The following ARFGEF1 variants were observed in gnomAD, a reference collection of about 807,000 sequenced individuals.
ARFGEF1 encodes the protein ARF guanine nucleotide exchange factor 1.
Under a neutral mutation model 231.0 loss-of-function variants are expected in ARFGEF1, and 42 were observed. The ratio of observed to expected loss-of-function variants is 0.18; its 90% confidence interval spans 0.14 to 0.24. ARFGEF1 has a LOEUF of 0.24. Among genes scored for constraint, ARFGEF1 ranks in the 10% least tolerant of loss-of-function variants. ARFGEF1 has a pLI of 1.00. For missense variants in ARFGEF1, 1,345 were observed against 2,192.0 expected, an observed-to-expected ratio of 0.61 and a Z score of 7.72; for synonymous variants, 710 against 732.3, an observed-to-expected ratio of 0.97 and a Z score of 0.49.
chr8:67,258,265 T>C lies in ARFGEF1; in HGVS notation c.2261A>G (p.Asp754Gly). 1 of 1,605,626 alleles carries C rather than the reference T, an allele frequency of 6.2e-7. No individual in the cohort carries two copies. The highest frequency in any genetic ancestry group is 8.5e-7 in the Non-Finnish European group (1 of 1,173,208). The change falls in exon 16 of 39, where the codon GAT (aspartate) becomes GGT (glycine). Residue 754 changes from aspartate (D) to glycine (G), a missense_variant. Coordinates refer to ENST00000262215, the MANE Select transcript of ARFGEF1 (RefSeq NM_006421.5). ...DSTQVGEFLG[D>G]NDKFNKEVMY... ...GACTTCTTTGTTAAATTTATCATTA[T>C]CTCCCAGGAACTCACCCACTTGAGT... is the stretch of plus-strand genomic sequence containing the variant.
chr8:67,212,032 T>C (rs1398082583), intron 33 of ARFGEF1, among the ~76,000 whole-genome samples: 3 of 150,928 alleles, frequency 2.0e-5, no homozygotes, highest in Non-Finnish European at 4.4e-5. Flanking sequence ...GAAGAGATGC[T>C]GGACCCTGGA....
In ARFGEF1 at chr8:67,219,537, A is replaced by G. The variant is rs1839075663; in HGVS notation, c.4232T>C (p.Ile1411Thr). The change falls in exon 30 of 39, where the codon ATA becomes ACA. Residue 1411 changes from isoleucine to threonine, a missense_variant. Physicochemically the swap from Ile to Thr is moderately conservative, Grantham distance 89 (BLOSUM62 -1). Around this residue, in one of 14 missense-constraint regions of ARFGEF1, gnomAD observed 142 missense variants for 227.3 expected, o/e 0.62. Transcript: ENST00000262215. The part of the protein sequence containing the change: ...RTRGLTVMFE[I>T]MKTYGHTYEK... The stretch of plus-strand genomic sequence containing the variant: ...ATAAGTGTGGCCATATGTTTTCATT[A>G]TTTCAAACATTACTGTTAAACCCCT... The G allele has an allele frequency of 1.9e-6, 3 of 1,607,692 alleles. No homozygotes were observed. The highest frequency in any genetic ancestry group is 1.7e-6 in the Non-Finnish European group (2 of 1,177,130).
At chr8:67,272,335 T>G (rs548459996) in intron 9 of ARFGEF1, among the ~76,000 whole-genome samples, 121 of 152,070 alleles carry the variant, frequency 8.0e-4, no homozygotes, top group African/African-American at 2.8e-3. Context: ...CCCAGCTAAT[T>G]TTTTGTATTT....
intron 1 of ARFGEF1, among the ~76,000 whole-genome samples, chr8:67,336,518 T>A (rs947699643): frequency 2.0e-4 from 30 of 152,314 alleles, no homozygotes; most frequent in African/African-American, 7.0e-4. Flanking sequence ...ACAGCAGAGC[T>A]ATGCTACATC....
chr8:67,175,579 T>A, intron 5 of ARFGEF1: 1 of 938,130 alleles, frequency 1.1e-6, no homozygotes, highest in Non-Finnish European at 1.7e-6. Context: ...TGGTCTGTAG[T>A]ACCAGAAAAG....
chr8:67,198,728 C>T lies in ARFGEF1; in HGVS notation c.*206G>A, dbSNP rs1178446404. 3.0e-6 allele frequency: 4 copies of T among 1,334,136 alleles called. No homozygotes were observed. In the East Asian group the frequency reaches 1.3e-4, roughly 45 times the overall value. 82.6% of individuals were successfully genotyped at this position (1,334,136 alleles called of 1,614,324 possible). ...ACACTGTTTAAACAGGCTTTCTGCT[C>T]AACATGAGGCCAATATAACACACAA... On this transcript the variant is annotated 3_prime_UTR_variant, in exon 39 of 39. Coordinates refer to ENST00000262215, the MANE Select transcript of ARFGEF1 (RefSeq NM_006421.5).
At chr8:67,314,550 G>C (rs751474933) in intron 1 of ARFGEF1, among the ~76,000 whole-genome samples, 11 of 152,136 alleles carry the variant, frequency 7.2e-5, no homozygotes, top group Admixed American at 7.2e-4. Flanking sequence ...CTTCTCCAGC[G>C]GGGGTGTGTG....
intron 5 of ARFGEF1, among the ~76,000 whole-genome samples, chr8:67,192,117 G>A (rs1349359460): frequency 1.4e-5 from 2 of 146,770 alleles, no homozygotes; most frequent in Non-Finnish European, 3.0e-5. Flanking sequence ...CTGTCACCTA[G>A]GCTGGATTGC....
intron 33 of ARFGEF1, among the ~76,000 whole-genome samples, chr8:67,215,379 A>T (rs1011885577): frequency 6.6e-6 from 1 of 152,150 alleles, no homozygotes; most frequent in African/African-American, 2.4e-5. Context: ...GGTAGACCAT[A>T]GTGGCATGAA....
intron 7 of ARFGEF1, among the ~76,000 whole-genome samples, 188 bp downstream of exon 7, chr8:67,287,767 A>G (rs180917059): frequency 6.6e-6 from 1 of 152,334 alleles, no homozygotes; most frequent in East Asian, 1.9e-4. Flanking sequence ...TCTCAGTGCT[A>G]AAATCTTCCA....
At chr8:67,242,802 G>A (rs1839970334) in intron 19 of ARFGEF1, among the ~76,000 whole-genome samples, 1 of 152,210 alleles carries the variant, frequency 6.6e-6, no homozygotes, top group Non-Finnish European at 1.5e-5. Context: ...CCTGAAGGGT[G>A]AGTCCCGGCC....
At chr8:67,316,813 G>A (rs1027696522) in intron 1 of ARFGEF1, among the ~76,000 whole-genome samples, 1 of 152,098 alleles carries the variant, frequency 6.6e-6, no homozygotes, top group Non-Finnish European at 1.5e-5. Context: ...GTTCAGGGAG[G>A]GAGCCTCTAA....
At chr8:67,289,549 C>CAAAAAAA (rs552601455) in intron 6 of ARFGEF1, among the ~76,000 whole-genome samples, 12 of 44,828 alleles carry the variant, frequency 2.7e-4, no homozygotes, top group East Asian at 8.9e-4. Flanking sequence ...ACTCTGTATC[C>CAAAAAAA]AAAAAAAAAA....
chr8:67,198,625 G>A lies in ARFGEF1; in HGVS notation c.*309C>T. ...TTTACATCTATAGTTCTTTGGGTAA[G>A]TTTCACTTCCACACCTGCCAAAAAC... On this transcript the variant is annotated 3_prime_UTR_variant, in exon 39 of 39. Transcript: ENST00000262215. 2 of 1,088,148 alleles carry A rather than the reference G, an allele frequency of 1.8e-6. No homozygotes were observed. The highest frequency in any genetic ancestry group is 2.2e-6 in the Non-Finnish European group (2 of 896,152). The allele number at this position is 1,088,148 out of a possible 1,614,324, so 67.4% of individuals were successfully genotyped here. A position where few individuals can be genotyped will look rare whatever the true frequency, so the allele number is the denominator to read the frequency against.
chr8:67,310,541 T>A (rs1442171052), intron 1 of ARFGEF1, among the ~76,000 whole-genome samples: 19 of 151,800 alleles, frequency 1.3e-4, no homozygotes, highest in African/African-American at 3.9e-4. Context: ...GTGAGGAGTG[T>A]CTCTGCCTGG....
chr8:67,194,235 A>G (rs1162954279), downstream of ARFGEF1, among the ~76,000 whole-genome samples: 2 of 152,234 alleles, frequency 1.3e-5, no homozygotes, highest in South Asian at 4.1e-4. Flanking sequence ...CATATTGGTA[A>G]TAATAATAGT....
chr8:67,184,123 G>C (rs942361640), intron 5 of ARFGEF1, among the ~76,000 whole-genome samples: 1 of 152,162 alleles, frequency 6.6e-6, no homozygotes, highest in South Asian at 2.1e-4. Context: ...AAAGTGCTGG[G>C]ATTATAGGCG....
chr8:67,198,727 T>G lies in ARFGEF1; in HGVS notation c.*207A>C. The G allele has an allele frequency of 7.5e-7, 1 of 1,332,272 alleles. No homozygotes were observed. Among genetic ancestry groups the G allele is most frequent in the Non-Finnish European group, 9.6e-7 (1 of 1,043,642 alleles). The allele number at this position is 1,332,272 out of a possible 1,614,324, so 82.5% of individuals were successfully genotyped here. A position where few individuals can be genotyped will look rare whatever the true frequency, so the allele number is the denominator to read the frequency against. ...GACACTGTTTAAACAGGCTTTCTGC[T>G]CAACATGAGGCCAATATAACACACA... On this transcript the variant is annotated 3_prime_UTR_variant, in exon 39 of 39. Transcript: ENST00000262215.
Position 67,214,807 on chromosome 8 carries a change from A to G in ARFGEF1, c.4686+1783T>C, listed in dbSNP as rs191817607. On this transcript the variant is annotated intron_variant, in intron 33 of 38. Coordinates refer to ENST00000262215, the MANE Select transcript of ARFGEF1 (RefSeq NM_006421.5). ...GCCTAGAATGAAAGGGACAGAAACA[A>G]TAAGAGGAAGGGAGGCTGAATTCTA... 1.0e-3 allele frequency among the ~76,000 whole-genome samples: 153 copies of G among 152,364 alleles called. 1 individual carries two copies. The highest frequency in any genetic ancestry group is 3.1e-3 in the African/African-American group (127 of 41,596).
Sources: allele counts gnomAD v4.1 joint callset (sites outside exome capture counted in the v4.1 genomes callset), GRCh38; gene constraint gnomAD v4.1.1; regional missense constraint gnomAD v4.1.1; transcripts MANE v1.5; gene names NCBI Gene and HGNC (gene_info 2026-07-23, HGNC 2026-07-21).